PTPRK: variants seen among roughly 807,000 people sequenced by gnomAD.
PTPRK encodes the protein receptor-type tyrosine-protein phosphatase kappa.
A neutral mutation model predicts 178.0 loss-of-function variants in PTPRK; 75 were observed. The observed-to-expected ratio is 0.42, with a 90% CI of 0.35 to 0.51. PTPRK has a LOEUF of 0.51. Among genes scored for constraint, PTPRK ranks in the 20% least tolerant of loss-of-function variants. The pLI, the probability that PTPRK is intolerant of heterozygous loss-of-function variation, is 0.02. For synonymous variants in PTPRK, 637 were observed against 620.6 expected, an observed-to-expected ratio of 1.03 and a Z score of -0.39; for missense variants, 1,441 against 1,797.8, an observed-to-expected ratio of 0.80 and a Z score of 3.59.
At chr6:128,399,040 G>T (rs943285100) in intron 1 of PTPRK, among the ~76,000 whole-genome samples, 4 of 152,122 alleles carry the variant, frequency 2.6e-5, no homozygotes, top group Non-Finnish European at 5.9e-5. Flanking sequence ...CGAAAATCCA[G>T]CAGTGGGTTT....
intron 13 of PTPRK, among the ~76,000 whole-genome samples, chr6:128,033,417 C>T (rs537995278): frequency 1.3e-5 from 2 of 152,322 alleles, no homozygotes; most frequent in Admixed American, 1.3e-4. Context: ...TCATAACTAT[C>T]TTCACAGTTT....
intron 15 of PTPRK, among the ~76,000 whole-genome samples, chr6:128,001,391 T>C (rs1777811863): frequency 6.6e-6 from 1 of 152,048 alleles, no homozygotes; most frequent in South Asian, 2.1e-4. Flanking sequence ...CTAAGAATGA[T>C]GAAAAATACA....
intron 6 of PTPRK, among the ~76,000 whole-genome samples, chr6:128,211,164 CAAG>C (rs955318431): frequency 7.1e-4 from 108 of 152,104 alleles, no homozygotes; most frequent in African/African-American, 2.4e-3. Context: ...AAAGCCTGTA[CAAG>C]AAGAGACTGT....
intron 21 of PTPRK, 96 bp downstream of exon 21, chr6:127,990,673 G>A (rs1244828857): frequency 5.3e-6 from 4 of 759,698 alleles, no homozygotes; most frequent in South Asian, 3.5e-5. Flanking sequence ...TGAATGAATG[G>A]ATTTTATAGC....
chr6:128,351,906 C>T (rs1562336438), intron 2 of PTPRK, among the ~76,000 whole-genome samples: 1 of 152,080 alleles, frequency 6.6e-6, no homozygotes, highest in Admixed American at 6.6e-5. Context: ...AGCTCAACTT[C>T]AGTCAGTTTT....
Position 128,303,072 on chromosome 6 carries a change from C to T in PTPRK, c.495+18967G>A, listed in dbSNP as rs531975261. On this transcript the variant is annotated intron_variant, in intron 3 of 29. Transcript: ENST00000368226. ...CAATTAGAAAACCAGGCAACATGTC[C>T]GCCTTCCTTCCCTAAACTCACATGC... Among the ~76,000 whole-genome samples the T allele has an allele frequency of 1.2e-4, 18 of 152,272 alleles. No homozygotes were observed. In the South Asian group the frequency reaches 2.7e-3, roughly 23 times the overall value.
At chr6:128,503,394 G>A (rs1168439427) in intron 1 of PTPRK, among the ~76,000 whole-genome samples, 2 of 152,160 alleles carry the variant, frequency 1.3e-5, no homozygotes, top group Admixed American at 1.3e-4. Context: ...CCAGGAGTGA[G>A]TGACTGTACT....
intron 13 of PTPRK, among the ~76,000 whole-genome samples, chr6:128,060,582 T>C (rs796600377): frequency 5.9e-5 from 9 of 152,252 alleles, no homozygotes; most frequent in African/African-American, 2.2e-4. Flanking sequence ...AAAGAAGCTA[T>C]AGAATATGGT....
intron 1 of PTPRK, among the ~76,000 whole-genome samples, chr6:128,492,514 C>T (rs34760929): frequency 0.093 from 14,148 of 152,020 alleles, 936 homozygotes; most frequent in African/African-American, 0.19. Context: ...CAGACCTGAG[C>T]TTGAAACTTA....
At chr6:128,371,054 A>C (rs1304807161) in intron 2 of PTPRK, among the ~76,000 whole-genome samples, 2 of 152,206 alleles carry the variant, frequency 1.3e-5, no homozygotes, top group African/African-American at 4.8e-5. Context: ...CAGACAACTC[A>C]GTGAAATGAA....
intron 13 of PTPRK, chr6:128,027,949 A>G (rs574397977): frequency 6.6e-6 from 1 of 152,278 alleles, no homozygotes; most frequent in South Asian, 2.1e-4. Context: ...TTCCTAGTCT[A>G]TATTGCAGCC....
chr6:128,148,562 C>T (rs1044443867), intron 7 of PTPRK, among the ~76,000 whole-genome samples: 1 of 152,062 alleles, frequency 6.6e-6, no homozygotes, highest in Non-Finnish European at 1.5e-5. Context: ...TAATCCCTTC[C>T]AATTCAGACA....
At chr6:128,043,578 AAACCAAAGG>A (rs1777547408) in intron 13 of PTPRK, among the ~76,000 whole-genome samples, 1 of 152,034 alleles carries the variant, frequency 6.6e-6, no homozygotes, top group Non-Finnish European at 1.5e-5. Flanking sequence ...TCTAAATTTG[AAACCAAAGG>A]TTAAGAAAGA....
intron 13 of PTPRK, among the ~76,000 whole-genome samples, chr6:128,022,806 TC>T (rs1773727550): frequency 6.6e-6 from 1 of 152,202 alleles, no homozygotes; most frequent in Non-Finnish European, 1.5e-5. Flanking sequence ...TGAACATATT[TC>T]TTTCACAATC....
At chr6:128,135,976 C>T (rs1464105669) in intron 7 of PTPRK, among the ~76,000 whole-genome samples, 1 of 152,102 alleles carries the variant, frequency 6.6e-6, no homozygotes, top group Non-Finnish European at 1.5e-5. Flanking sequence ...GAAGCCGTAA[C>T]CTAACTCCTA....
chr6:128,427,793 T>C (rs1267896296), intron 1 of PTPRK, among the ~76,000 whole-genome samples: 1 of 151,942 alleles, frequency 6.6e-6, no homozygotes, highest in Non-Finnish European at 1.5e-5. Flanking sequence ...AGCAAGACAA[T>C]ATAAAACAAA....
At chr6:128,187,418 T>A (rs1802966600) in intron 6 of PTPRK, among the ~76,000 whole-genome samples, 1 of 152,162 alleles carries the variant, frequency 6.6e-6, no homozygotes, top group Admixed American at 6.6e-5. Flanking sequence ...AGCTGTGTAA[T>A]CTTAAATATG....
At chr6:128,146,959 T>G (rs1418548068) in intron 7 of PTPRK, among the ~76,000 whole-genome samples, 4 of 152,166 alleles carry the variant, frequency 2.6e-5, no homozygotes, top group African/African-American at 9.7e-5. Flanking sequence ...TTAATATAAA[T>G]GAATAGTCTG....
chr6:128,244,628 A>AGAGC (rs1470830190), intron 3 of PTPRK, among the ~76,000 whole-genome samples: 27 of 152,318 alleles, frequency 1.8e-4, no homozygotes, highest in African/African-American at 6.5e-4. Flanking sequence ...TTAGAAGGTG[A>AGAGC]GAGCGTCTCT....
Sources: gnomAD v4.1 joint callset for allele counts (sites outside exome capture counted in the v4.1 genomes callset) on GRCh38, gnomAD v4.1.1 for gene constraint, MANE v1.5 for transcripts, NCBI Gene and HGNC (gene_info 2026-07-23, HGNC 2026-07-21) for gene names.